NCAPG2: variants seen among roughly 807,000 people sequenced by gnomAD.
NCAPG2 encodes condensin-2 complex subunit G2.
A neutral mutation model predicts 141.1 loss-of-function variants in NCAPG2; 53 were observed. The observed-to-expected ratio is 0.38, with a 90% CI of 0.30 to 0.47. NCAPG2 has a LOEUF of 0.47. NCAPG2 is among the 20% of genes least tolerant of loss of function. NCAPG2 has a pLI of 0.99. For missense variants in NCAPG2, 1,087 were observed against 1,389.0 expected (o/e 0.78, Z 3.46); for synonymous variants, 499 against 490.7 (o/e 1.02, Z -0.22).
chr7:158,652,234 G>A, intron 23 of NCAPG2, 59 bp downstream of exon 23: 1 of 1,501,720 alleles, frequency 6.7e-7, no homozygotes, highest in Non-Finnish European at 9.2e-7. Context: ...CATCTGTGTA[G>A]GTGTAGCCAG....
chr7:158,651,274 A>G (rs1831472632), intron 23 of NCAPG2, among the ~76,000 whole-genome samples: 1 of 152,196 alleles, frequency 6.6e-6, no homozygotes, highest in Non-Finnish European at 1.5e-5. Context: ...CAAAACATCA[A>G]TACATTAAAA....
chr7:158,688,505 T>C (rs1317815869), intron 6 of NCAPG2, among the ~76,000 whole-genome samples: 1 of 152,224 alleles, frequency 6.6e-6, no homozygotes, highest in Non-Finnish European at 1.5e-5. Context: ...TTCAGAACAA[T>C]CCTGGAGACA....
At chr7:158,644,184 A>T in intron 27 of NCAPG2, 105 bp downstream of exon 27, 1 of 936,940 alleles carries the variant, frequency 1.1e-6, no homozygotes, top group South Asian at 1.5e-5. Flanking sequence ...CCAGTCTCCT[A>T]ACCACCTGGG....
chr7:158,664,890 A>G, intron 13 of NCAPG2, 140 bp from the exon 14 acceptor site: 1 of 663,908 alleles, frequency 1.5e-6, no homozygotes, highest in Non-Finnish European at 2.6e-6. Context: ...TGACTACACC[A>G]AAATCTGTGA....
At chr7:158,658,430 C>T (rs1487273684) in intron 16 of NCAPG2, 22 bp from the exon 17 acceptor site, 3 of 1,584,830 alleles carry the variant, frequency 1.9e-6, no homozygotes, top group Non-Finnish European at 2.6e-6. Flanking sequence ...AAAAGAAAAA[C>T]AAAACAAAGC....
In NCAPG2 at chr7:158,631,668, A is replaced by G. The variant is rs772260914; in HGVS notation, c.3430T>C (p.Ter1144GlnextTer14). ...CATGTCTGGAGATGTTGGCTTGGTT[A>G]TGAATTCAAAAGTTCTCCCAGAGTT... Reference protein sequence around the residue: ...SRTLGELLNS* With the variant: ...SRTLGELLNSQ Residue 1144 changes from the stop codon to glutamine, a stop_lost, in exon 28 of 28, where the codon TAA becomes CAA. Transcript: ENST00000356309. 1.8e-5 allele frequency: 28 copies of G among 1,590,848 alleles called. No individual in the cohort carries two copies. The highest frequency in any genetic ancestry group is 1.6e-4 in the East Asian group (7 of 44,742).
At chr7:158,693,064 G>T (rs1473361934) in intron 3 of NCAPG2, 108 bp from the exon 4 acceptor site, 1 of 866,802 alleles carries the variant, frequency 1.2e-6, no homozygotes, top group East Asian at 2.6e-5. Context: ...CACAATTCTA[G>T]CTTATTCTAA....
chr7:158,664,772 A>G, intron 13 of NCAPG2, 22 bp from the exon 14 acceptor site: 3 of 1,590,030 alleles, frequency 1.9e-6, no homozygotes, highest in Non-Finnish European at 2.6e-6. Context: ...GCACATATGC[A>G]GAAGGAAATA....
Position 158,672,284 on chromosome 7 carries a change from GTGTGTGTGTATATATATATA to G in NCAPG2, c.1327-638_1327-619del, listed in dbSNP as rs1446515403. ...TATACGGTATTCCAAACACATGTGTGTGTGTGTGTATATATATATATATATATATATATATATATATATAT... is the reference window on the plus strand; with the variant it reads ...TATACGGTATTCCAAACACATGTGTGTATATATATATATATATATATATAT... On this transcript the variant is annotated intron_variant, in intron 12 of 27. Coordinates refer to ENST00000356309, the MANE Select transcript of NCAPG2 (RefSeq NM_017760.7). Among the ~76,000 whole-genome samples, 271 of 70,718 alleles carry G rather than the reference GTGTGTGTGTATATATATATA, an allele frequency of 3.8e-3. 8 individuals are homozygous for G. The highest frequency in any genetic ancestry group is 0.016 in the African/African-American group (255 of 15,718). 46.4% of individuals were successfully genotyped at this position (70,718 alleles called of 152,430 possible).
intron 9 of NCAPG2, 30 bp downstream of exon 9, chr7:158,683,270 A>G (rs1295557419): frequency 2.1e-6 from 3 of 1,437,596 alleles, no homozygotes. Context: ...AGGAAACATT[A>G]TTTCAAAAAC....
At chr7:158,673,703 C>T (rs1418307802) in intron 12 of NCAPG2, among the ~76,000 whole-genome samples, 4 of 152,346 alleles carry the variant, frequency 2.6e-5, no homozygotes, top group Non-Finnish European at 5.9e-5. Flanking sequence ...GGACCAGCCG[C>T]ATGCAAACCA....
Position 158,689,840 on chromosome 7 carries a change from A to G in NCAPG2, c.651T>C (p.Ile217=), listed in dbSNP as rs1406601318. 1.9e-6 allele frequency: 3 copies of G among 1,583,640 alleles called. No homozygotes were observed. Among genetic ancestry groups the G allele is most frequent in the Admixed American group, 1.8e-5 (1 of 56,118 alleles). The change falls in exon 6 of 28, where the codon ATT becomes ATC. Residue 217 remains isoleucine, a synonymous_variant. Transcript: ENST00000356309. ...KDMLLECFIN[I]NYIKKEEGRR... is the part of the protein sequence containing the mutation. ...TTACCTCTTCTTTCTTGATATAATT[A>G]ATATTTATGAAGCACTCAAGTAACA...
At chr7:158,632,968 C>T (rs1829982663) in intron 27 of NCAPG2, among the ~76,000 whole-genome samples, 1 of 152,160 alleles carries the variant, frequency 6.6e-6, no homozygotes, top group South Asian at 2.1e-4. Flanking sequence ...ATGTGTTCAG[C>T]AGCCACTGTA....
At chr7:158,665,450 A>C (rs1832851511) in intron 13 of NCAPG2, 1 of 152,242 alleles carries the variant, frequency 6.6e-6, no homozygotes, top group African/African-American at 2.4e-5. Context: ...GACAAAGCAA[A>C]ATTGAATGGC....
chr7:158,664,981 A>G (rs1294855059), intron 13 of NCAPG2: 1 of 445,376 alleles, frequency 2.2e-6, no homozygotes, highest in Admixed American at 4.0e-5. Context: ...TTAGGGTGCT[A>G]AGAGGTTTAA....
chr7:158,689,200 T>C (rs1418056536), intron 6 of NCAPG2, among the ~76,000 whole-genome samples: 2 of 152,232 alleles, frequency 1.3e-5, no homozygotes, highest in South Asian at 4.1e-4. Flanking sequence ...ATATTTAATA[T>C]AACAGACAAT....
chr7:158,661,191 G>A (rs1191864151), intron 16 of NCAPG2, among the ~76,000 whole-genome samples: 1 of 152,124 alleles, frequency 6.6e-6, no homozygotes, highest in East Asian at 1.9e-4. Context: ...GCCTTGAAAG[G>A]GTTAGAAAAG....
chr7:158,650,084 C>T (rs948700685), intron 24 of NCAPG2, among the ~76,000 whole-genome samples: 5 of 152,174 alleles, frequency 3.3e-5, no homozygotes, highest in Admixed American at 3.3e-4. Context: ...GACGGAGTCT[C>T]GCCCTGTTGC....
chr7:158,683,190 C>A (rs1468052201), intron 9 of NCAPG2, 110 bp downstream of exon 9: 8 of 884,820 alleles, frequency 9.0e-6, no homozygotes, highest in South Asian at 2.1e-5. Context: ...TCTGAGAAAT[C>A]CCCCTAACTG....
Sources: gnomAD v4.1 joint callset for allele counts (sites outside exome capture counted in the v4.1 genomes callset) on GRCh38, gnomAD v4.1.1 for gene constraint, MANE v1.5 for transcripts, NCBI Gene and HGNC (gene_info 2026-07-23, HGNC 2026-07-21) for gene names.